RBFOX2: variants seen among roughly 807,000 people sequenced by gnomAD.
RBFOX2 encodes RNA binding protein fox-1 homolog 2.
RBFOX2 carries 10 observed loss-of-function variants against 49.1 expected under a neutral mutation model. That is an observed-to-expected ratio of 0.20 (90% CI 0.13 to 0.35). The LOEUF (loss-of-function observed/expected upper bound fraction) is 0.35. Among genes scored for constraint, RBFOX2 ranks in the 10% least tolerant of loss-of-function variants. The pLI is 1.00. For missense variants in RBFOX2, 323 were observed against 486.9 expected (o/e 0.66, Z 3.17); for synonymous variants, 183 against 187.4 (o/e 0.98, Z 0.19).
At chr22:35,952,078 T>C (rs2055006911) in intron 1 of RBFOX2, among the ~76,000 whole-genome samples, 1 of 152,128 alleles carries the variant, frequency 6.6e-6, no homozygotes, top group Non-Finnish European at 1.5e-5. Flanking sequence ...TTAGGGTGCT[T>C]ATGTGAACAG....
At chr22:35,874,659 T>C (rs1241533130) in intron 1 of RBFOX2, among the ~76,000 whole-genome samples, 2 of 152,198 alleles carry the variant, frequency 1.3e-5, no homozygotes, top group Non-Finnish European at 2.9e-5. Flanking sequence ...CATCTCTGTT[T>C]TACTGATAAA....
chr22:35,904,250 TC>T (rs1191206951), intron 1 of RBFOX2, among the ~76,000 whole-genome samples: 2 of 152,302 alleles, frequency 1.3e-5, no homozygotes, highest in East Asian at 3.9e-4. Flanking sequence ...AAGCCCGTAC[TC>T]TCTGTTACTG....
At chr22:35,954,193 T>C (rs1190544387) in intron 1 of RBFOX2, among the ~76,000 whole-genome samples, 1 of 152,160 alleles carries the variant, frequency 6.6e-6, no homozygotes, top group Non-Finnish European at 1.5e-5. Context: ...GTTTCTTATC[T>C]GTATTTTCTA....
At chr22:35,845,006 C>T (rs1413031173), upstream of RBFOX2, among the ~76,000 whole-genome samples, 1 of 152,052 alleles carries the variant, frequency 6.6e-6, no homozygotes. Flanking sequence ...ACCTTCCACC[C>T]ACATACCAGC....
chr22:35,855,676 T>C (rs781764133), intron 1 of RBFOX2, among the ~76,000 whole-genome samples: 24 of 151,420 alleles, frequency 1.6e-4, no homozygotes, highest in Non-Finnish European at 2.9e-4. Flanking sequence ...CCCAAAGTGC[T>C]GGGATTATGG....
At chr22:36,003,657 G>C (rs1369572394) in intron 1 of RBFOX2, among the ~76,000 whole-genome samples, 1 of 152,072 alleles carries the variant, frequency 6.6e-6, no homozygotes, top group Non-Finnish European at 1.5e-5. Context: ...ACTTTAATCA[G>C]AACAAGGATA....
chr22:35,796,348 CAT>C (rs1474000625), intron 2 of RBFOX2, among the ~76,000 whole-genome samples: 3 of 151,960 alleles, frequency 2.0e-5, no homozygotes. Flanking sequence ...ATGTAAATAA[CAT>C]ATTTTAAAGA....
chr22:35,778,417 G>A (rs1416547383), intron 3 of RBFOX2, among the ~76,000 whole-genome samples: 6 of 151,966 alleles, frequency 3.9e-5, no homozygotes, highest in Admixed American at 1.3e-4. Context: ...CTAGTAAGTA[G>A]AATAATATAC....
Position 35,751,378 on chromosome 22 carries a change from G to C in RBFOX2, c.888-4817C>G, listed in dbSNP as rs1934847812. Among the ~76,000 whole-genome samples the C allele has an allele frequency of 2.6e-5, 4 of 152,112 alleles. No individual in the cohort carries two copies. The South Asian group carries it at 8.3e-4, about 32-fold the overall frequency. On this transcript the variant is annotated intron_variant, in intron 9 of 11. Transcript: ENST00000405409. ...AATGAAAGCTTGTTACCTACATGTAGTGTATAGATCAATAGAGCAGAGGGT... is the reference window on the plus strand; with the variant it reads ...AATGAAAGCTTGTTACCTACATGTACTGTATAGATCAATAGAGCAGAGGGT...
At chr22:35,975,562 T>C (rs1199426070) in intron 1 of RBFOX2, among the ~76,000 whole-genome samples, 1 of 152,222 alleles carries the variant, frequency 6.6e-6, no homozygotes, top group Non-Finnish European at 1.5e-5. Context: ...TATTTCCTTT[T>C]ATCATTCTCT....
intron 2 of RBFOX2, among the ~76,000 whole-genome samples, chr22:35,789,140 T>G (rs771733152): frequency 1.3e-5 from 2 of 151,892 alleles, no homozygotes; most frequent in Non-Finnish European, 2.9e-5. Context: ...CAATGAGATC[T>G]GAGACAGTGA....
At chr22:35,764,162 G>A (rs1282106195) in intron 6 of RBFOX2, among the ~76,000 whole-genome samples, 2 of 152,174 alleles carry the variant, frequency 1.3e-5, no homozygotes, top group Admixed American at 1.3e-4. Flanking sequence ...TATCATCTAT[G>A]TGAAAAGCTG....
At chr22:35,973,923 G>A (rs561386925) in intron 1 of RBFOX2, among the ~76,000 whole-genome samples, 12 of 152,254 alleles carry the variant, frequency 7.9e-5, no homozygotes, top group South Asian at 2.1e-4. Flanking sequence ...CCCTCTCTAC[G>A]CTGGCAAGAC....
At chr22:35,872,970 G>A (rs1299137637) in intron 1 of RBFOX2, among the ~76,000 whole-genome samples, 1 of 152,124 alleles carries the variant, frequency 6.6e-6, no homozygotes, top group East Asian at 1.9e-4. Context: ...TCCCGTAGCA[G>A]TATTAAGCCT....
At chr22:36,003,918 C>A (rs527861153) in intron 1 of RBFOX2, among the ~76,000 whole-genome samples, 1 of 152,304 alleles carries the variant, frequency 6.6e-6, no homozygotes, top group East Asian at 1.9e-4. Context: ...GGTTCTCAAC[C>A]TCAGCATTAC....
chr22:35,788,095 T>G (rs1167539187), intron 2 of RBFOX2, among the ~76,000 whole-genome samples: 2 of 152,196 alleles, frequency 1.3e-5, no homozygotes, highest in Non-Finnish European at 2.9e-5. Flanking sequence ...GGACTACAAA[T>G]GTTTTCTTTT....
intron 1 of RBFOX2, among the ~76,000 whole-genome samples, chr22:35,915,236 G>A (rs890789696): frequency 6.6e-6 from 1 of 152,202 alleles, no homozygotes; most frequent in African/African-American, 2.4e-5. Flanking sequence ...AGAAGGGAGG[G>A]TTTGGGGAGA....
chr22:35,800,959 C>T (rs1423976870), intron 2 of RBFOX2, among the ~76,000 whole-genome samples: 1 of 152,142 alleles, frequency 6.6e-6, no homozygotes, highest in African/African-American at 2.4e-5. Context: ...AGAGATAAGA[C>T]TTAAACTGAG....
chr22:35,966,983 T>TAA (rs199664388), intron 1 of RBFOX2, among the ~76,000 whole-genome samples: 26 of 143,880 alleles, frequency 1.8e-4, no homozygotes, highest in Non-Finnish European at 3.1e-4. Context: ...CAGTCAACTT[T>TAA]AAAAAAAAAA....
Sources: allele counts gnomAD v4.1 joint callset (sites outside exome capture counted in the v4.1 genomes callset), GRCh38; gene constraint gnomAD v4.1.1; transcripts MANE v1.5; gene names NCBI Gene and HGNC (gene_info 2026-07-23, HGNC 2026-07-21).